The following EGFLAM variants were observed in gnomAD, a reference collection of about 807,000 sequenced individuals.
EGFLAM encodes EGF like, fibronectin type III and laminin G domains, also known as pikachurin.
Under a neutral mutation model 113.1 loss-of-function variants are expected in EGFLAM, and 79 were observed. The observed-to-expected ratio is 0.70, with a 90% CI of 0.58 to 0.84. The LOEUF is 0.84. Among genes scored for constraint, EGFLAM ranks in the 40% least tolerant of loss-of-function variants. The pLI, the probability that EGFLAM is intolerant of heterozygous loss-of-function variation, is 0.00. For missense variants in EGFLAM, 1,265 were observed against 1,291.6 expected, an observed-to-expected ratio of 0.98 and a Z score of 0.32; for synonymous variants, 504 against 487.6, an observed-to-expected ratio of 1.03 and a Z score of -0.44.
chr5:38,327,515 A>C (rs1300181765), intron 1 of EGFLAM, among the ~76,000 whole-genome samples: 1 of 152,248 alleles, frequency 6.6e-6, no homozygotes, highest in Admixed American at 6.5e-5. Context: ...TGAACATATT[A>C]AATAACTGTA....
At chr5:38,388,906 C>A (rs868214843) in intron 6 of EGFLAM, among the ~76,000 whole-genome samples, 23 of 145,306 alleles carry the variant, frequency 1.6e-4, no homozygotes, top group Admixed American at 2.7e-4. Context: ...CAGAGCAAGA[C>A]CCTGTCTCAA....
chr5:38,361,012 G>A lies in EGFLAM; in HGVS notation c.545+8681G>A, dbSNP rs532414473. Among the ~76,000 whole-genome samples, 486 of 145,174 alleles carry A rather than the reference G, an allele frequency of 3.3e-3. 3 individuals carry two copies. Among genetic ancestry groups the A allele is most frequent in the African/African-American group, 0.013 (466 of 36,546 alleles). ...TAGGATTACAGGCATGTGCCACCAC[G>A]CCCAGCTAATTTTTTTTTTTTTTTT... On this transcript the variant is annotated intron_variant, in intron 5 of 21. Coordinates refer to ENST00000322350, the MANE Select transcript of EGFLAM (RefSeq NM_152403.4).
intron 19 of EGFLAM, among the ~76,000 whole-genome samples, chr5:38,454,566 G>A (rs890631553): frequency 3.9e-5 from 6 of 152,138 alleles, no homozygotes; most frequent in South Asian, 2.1e-4. Context: ...GAGAGAACAC[G>A]TAGTTATTAT....
chr5:38,333,586 C>G (rs537324711), intron 1 of EGFLAM, among the ~76,000 whole-genome samples: 1 of 151,872 alleles, frequency 6.6e-6, no homozygotes, highest in Admixed American at 6.6e-5. Flanking sequence ...GCTTGTTGGT[C>G]GCATGTGTGT....
At chr5:38,378,412 A>T (rs1740421774) in intron 6 of EGFLAM, among the ~76,000 whole-genome samples, 2 of 152,174 alleles carry the variant, frequency 1.3e-5, no homozygotes, top group South Asian at 4.1e-4. Context: ...GCCACAGAAT[A>T]GATTTCCCTT....
chr5:38,426,225 G>A (rs894569264), intron 13 of EGFLAM, among the ~76,000 whole-genome samples: 1 of 152,062 alleles, frequency 6.6e-6, no homozygotes, highest in Non-Finnish European at 1.5e-5. Context: ...TATATACAGA[G>A]AGTATGTAAA....
At chr5:38,395,018 A>T (rs1342631040) in intron 6 of EGFLAM, among the ~76,000 whole-genome samples, 1 of 151,496 alleles carries the variant, frequency 6.6e-6, no homozygotes, top group Admixed American at 6.6e-5. Flanking sequence ...TCGGCTCACT[A>T]CAACCTTCGC....
chr5:38,406,079 A>G, intron 6 of EGFLAM, 47 bp from the exon 7 acceptor site: 1 of 1,486,064 alleles, frequency 6.7e-7, no homozygotes. Flanking sequence ...ACAATAGTGC[A>G]AAGAAGGCCT....
At chr5:38,341,118 C>T (rs1268644036) in intron 3 of EGFLAM, among the ~76,000 whole-genome samples, 1 of 152,170 alleles carries the variant, frequency 6.6e-6, no homozygotes, top group Non-Finnish European at 1.5e-5. Flanking sequence ...CAGGGCTCTG[C>T]AGCAGGCTCA....
At chr5:38,444,714 G>T (rs1742652941) in intron 17 of EGFLAM, among the ~76,000 whole-genome samples, 3 of 152,166 alleles carry the variant, frequency 2.0e-5, no homozygotes, top group Admixed American at 1.3e-4. Flanking sequence ...GGAGGCCCAG[G>T]CAGGTGGATC....
rs902149722 is a variant in EGFLAM at position 38,403,580 on chromosome 5, A to G, written c.713-2546A>G. On this transcript the variant is annotated intron_variant, in intron 6 of 21. Coordinates refer to ENST00000322350, the MANE Select transcript of EGFLAM (RefSeq NM_152403.4). ...CTGCAGACCATGGGGCAGGGAGCAT[A>G]TGGAGCACGGATATGCCAGACAGAG... is the stretch of plus-strand genomic sequence containing the variant. 4 of 415,218 alleles carry G rather than the reference A, an allele frequency of 9.6e-6. No individual in the cohort carries two copies. The East Asian group carries it at 1.5e-4, about 15-fold the overall frequency. The allele number at this position is 415,218 out of a possible 1,614,324, so 25.7% of individuals were successfully genotyped here. A position where few individuals can be genotyped will look rare whatever the true frequency, so the allele number is the denominator to read the frequency against.
chr5:38,426,144 TA>T (rs1206772577), intron 13 of EGFLAM, among the ~76,000 whole-genome samples: 5 of 152,064 alleles, frequency 3.3e-5, no homozygotes, highest in Non-Finnish European at 7.4e-5. Context: ...ACAGAAACGT[TA>T]ACAATGTGAT....
At chr5:38,415,407 G>C (rs1741610568) in intron 11 of EGFLAM, among the ~76,000 whole-genome samples, 1 of 152,036 alleles carries the variant, frequency 6.6e-6, no homozygotes, top group African/African-American at 2.4e-5. Flanking sequence ...TGATTGCCAG[G>C]CACAGTGGCT....
chr5:38,316,092 A>AAAAG (rs1487485934), intron 1 of EGFLAM, among the ~76,000 whole-genome samples: 1 of 151,462 alleles, frequency 6.6e-6, no homozygotes, highest in African/African-American at 2.4e-5. Flanking sequence ...AAAAAAAAAA[A>AAAAG]TCCTAAGCAC....
chr5:38,412,200 A>G (rs1741503468), intron 10 of EGFLAM, among the ~76,000 whole-genome samples: 1 of 152,182 alleles, frequency 6.6e-6, no homozygotes, highest in Admixed American at 6.5e-5. Flanking sequence ...CCCGTCATGC[A>G]GGTAGCGAGC....
rs112108455 is a variant in EGFLAM at position 38,399,180 on chromosome 5, C to G, written c.713-6946C>G. Among the ~76,000 whole-genome samples, 606 of 152,178 alleles carry G rather than the reference C, an allele frequency of 4.0e-3. 4 individuals are homozygous for G. The highest frequency in any genetic ancestry group is 0.014 in the African/African-American group (592 of 41,520). On this transcript the variant is annotated intron_variant, in intron 6 of 21. Transcript: ENST00000322350. Reference sequence around the variant, plus strand: ...CACCTACCCAGGCTACTGTTTTCCACTATGCTAGGTGGAGAGGGAAGGTAG... The same window carrying G: ...CACCTACCCAGGCTACTGTTTTCCAGTATGCTAGGTGGAGAGGGAAGGTAG...
chr5:38,464,083 C>A lies in EGFLAM; in HGVS notation c.*97C>A, dbSNP rs1743388206. The A allele has an allele frequency of 1.4e-6, 2 of 1,479,700 alleles. No homozygotes were observed. The highest frequency in any genetic ancestry group is 1.8e-6 in the Non-Finnish European group (2 of 1,089,734). 91.7% of individuals were successfully genotyped at this position (1,479,700 alleles called of 1,614,324 possible). A position where few individuals can be genotyped will look rare whatever the true frequency, so the allele number is the denominator to read the frequency against. On this transcript the variant is annotated 3_prime_UTR_variant, in exon 22 of 22. Transcript: ENST00000322350. ...ATGCTATATGCAGAGGCCCAGGGAC[C>A]AGGTGTGTTTCCTCTCACCAAGAAG...
chr5:38,438,626 A>G (rs2731974), intron 17 of EGFLAM, among the ~76,000 whole-genome samples, 171 bp downstream of exon 17: 10,960 of 152,274 alleles, frequency 0.072, 1,267 homozygotes, highest in African/African-American at 0.25. Context: ...AACTACCATA[A>G]TTCCTTAATA....
intron 1 of EGFLAM, among the ~76,000 whole-genome samples, chr5:38,318,280 A>G (rs142850566): frequency 0.014 from 2,054 of 151,674 alleles, 48 homozygotes; most frequent in African/African-American, 0.044. Context: ...ATACTATCTA[A>G]CTATAGTATA....
Sources: allele counts gnomAD v4.1 joint callset (sites outside exome capture counted in the v4.1 genomes callset), GRCh38; gene constraint gnomAD v4.1.1; transcripts MANE v1.5; gene names NCBI Gene and HGNC (gene_info 2026-07-23, HGNC 2026-07-21).